The following GADL1 variants were observed in gnomAD, a reference collection of about 807,000 sequenced individuals.
GADL1 encodes the protein acidic amino acid decarboxylase GADL1.
Under a neutral mutation model 69.5 loss-of-function variants are expected in GADL1, and 71 were observed. The observed-to-expected ratio is 1.02, with a 90% CI of 0.84 to 1.25. The LOEUF (loss-of-function observed/expected upper bound fraction) is 1.25, where lower values mean the gene tolerates loss of function less well. Among genes scored for constraint, GADL1 ranks in the 50% most tolerant of loss-of-function variants. The pLI is 0.00. For missense variants in GADL1, 737 were observed against 631.8 expected (o/e 1.17, Z -1.79); for synonymous variants, 254 against 214.4 (o/e 1.18, Z -1.62).
intron 1 of GADL1, among the ~76,000 whole-genome samples, chr3:30,886,128 A>T (rs891865636): frequency 6.6e-6 from 1 of 152,168 alleles, no homozygotes; most frequent in East Asian, 1.9e-4. Context: ...TAATATTTGA[A>T]CTAATTGGTA....
Position 30,805,292 on chromosome 3 carries a change from A to G in GADL1, c.1051-4204T>C, listed in dbSNP as rs142353628. 4.3e-3 allele frequency among the ~76,000 whole-genome samples: 649 copies of G among 152,328 alleles called. 8 individuals are homozygous for G. Among genetic ancestry groups the G allele is most frequent in the African/African-American group, 0.015 (615 of 41,566 alleles). On this transcript the variant is annotated intron_variant, in intron 11 of 14. Transcript: ENST00000282538. ...TTTCAAACCAAAAATGCTTAGATTC[A>G]GGGCCTGAACGCTAACCTATTATAC... is the stretch of plus-strand genomic sequence containing the variant.
At chr3:30,785,618 C>T (rs1197296942) in intron 13 of GADL1, among the ~76,000 whole-genome samples, 5 of 152,234 alleles carry the variant, frequency 3.3e-5, no homozygotes, top group South Asian at 4.2e-4. Context: ...CCTTGTGATG[C>T]CTGCCTTGGC....
intron 2 of GADL1, among the ~76,000 whole-genome samples, chr3:30,858,452 C>T (rs890251430): frequency 6.6e-5 from 10 of 151,958 alleles, no homozygotes; most frequent in Non-Finnish European, 1.0e-4. Context: ...AGGTGATGAT[C>T]TGGATGACAG....
At chr3:30,761,665 T>C (rs749760490) in intron 14 of GADL1, among the ~76,000 whole-genome samples, 1 of 151,918 alleles carries the variant, frequency 6.6e-6, no homozygotes, top group Non-Finnish European at 1.5e-5. Flanking sequence ...TAGTAACTTT[T>C]TAAAAAAGGA....
intron 6 of GADL1, among the ~76,000 whole-genome samples, chr3:30,845,313 C>T (rs1218216886): frequency 6.6e-6 from 1 of 152,110 alleles, no homozygotes; most frequent in Non-Finnish European, 1.5e-5. Context: ...AGCATGCAAA[C>T]ATTGGATATG....
chr3:30,850,946 A>G lies in GADL1; in HGVS notation c.429-5T>C. ...GGGGACACCTCATACGTATAACTAG[A>G]TAGATATAAAAAACACTTCACTTCT... On this transcript the variant is annotated splice_region_variant and splice_polypyrimidine_tract_variant and intron_variant, in intron 4 of 14. Coordinates refer to ENST00000282538, the MANE Select transcript of GADL1 (RefSeq NM_207359.3). 6.8e-7 allele frequency: 1 copy of G among 1,473,176 alleles called. No individual in the cohort carries two copies. Among genetic ancestry groups the G allele is most frequent in the Non-Finnish European group, 9.3e-7 (1 of 1,076,918 alleles). 91.3% of individuals were successfully genotyped at this position (1,473,176 alleles called of 1,614,324 possible).
chr3:30,846,440 C>T (rs1698059303), intron 6 of GADL1, among the ~76,000 whole-genome samples: 1 of 152,142 alleles, frequency 6.6e-6, no homozygotes, highest in South Asian at 2.1e-4. Flanking sequence ...TTTCTATGAC[C>T]TTGAGCTTCT....
intron 11 of GADL1, among the ~76,000 whole-genome samples, chr3:30,809,302 AATC>A (rs1290221664): frequency 1.3e-5 from 2 of 152,306 alleles, no homozygotes; most frequent in African/African-American, 4.8e-5. Flanking sequence ...AAATATTTAA[AATC>A]ATCCGGTTTG....
chr3:30,752,853 GTTC>G (rs67316003), intron 14 of GADL1, among the ~76,000 whole-genome samples: 33,507 of 151,776 alleles, frequency 0.22, 4,330 homozygotes, highest in Non-Finnish European at 0.29. Context: ...AGATAATTAA[GTTC>G]TCAAATAACT....
At position 30,786,336 on chromosome 3, in the gene GADL1, C is replaced by T; in HGVS notation, c.1302+19G>A. ...CTGTTAACTGACAAAATCACAAGCA[C>T]AATTATGCAATCACTTACTTCCATC... On this transcript the variant is annotated intron_variant, in intron 13 of 14. Transcript: ENST00000282538. The T allele has an allele frequency of 6.7e-7, 1 of 1,502,078 alleles. No homozygotes were observed. The highest frequency in any genetic ancestry group is 9.3e-7 in the Non-Finnish European group (1 of 1,079,510). 93.0% of individuals were successfully genotyped at this position (1,502,078 alleles called of 1,614,324 possible). A position where few individuals can be genotyped will look rare whatever the true frequency, so the allele number is the denominator to read the frequency against.
At chr3:30,823,972 A>T (rs1301897481) in intron 11 of GADL1, among the ~76,000 whole-genome samples, 2 of 151,848 alleles carry the variant, frequency 1.3e-5, no homozygotes, top group African/African-American at 2.4e-5. Context: ...TACAAAATAG[A>T]GAGTAAGAAG....
In GADL1 at chr3:30,808,481, G is replaced by C. The variant is rs1697295517; in HGVS notation, c.1051-7393C>G. ...TTACTGCACGCTGGCCTGGGCGACA[G>C]AGCAGGACTCTATCTCAAAAAAAAA... On this transcript the variant is annotated intron_variant, in intron 11 of 14. Coordinates refer to ENST00000282538, the MANE Select transcript of GADL1 (RefSeq NM_207359.3). 2.8e-5 allele frequency among the ~76,000 whole-genome samples: 4 copies of C among 140,836 alleles called. No homozygotes were observed. In the South Asian group the frequency reaches 9.1e-4, roughly 32 times the overall value. 92.4% of individuals were successfully genotyped at this position (140,836 alleles called of 152,430 possible).
At chr3:30,802,655 G>T (rs1158476) in intron 11 of GADL1, among the ~76,000 whole-genome samples, 55,918 of 152,046 alleles carry the variant, frequency 0.37, 10,710 homozygotes, top group East Asian at 0.53. Context: ...CTGACTTAAT[G>T]TAAGCAACAT....
At chr3:30,875,970 C>T (rs1698571694) in intron 1 of GADL1, among the ~76,000 whole-genome samples, 1 of 152,022 alleles carries the variant, frequency 6.6e-6, no homozygotes, top group African/African-American at 2.4e-5. Flanking sequence ...CAAGCTCCAA[C>T]TTGGCCATTC....
At chr3:30,737,387 G>T (rs1438635080) in intron 14 of GADL1, among the ~76,000 whole-genome samples, 2 of 152,102 alleles carry the variant, frequency 1.3e-5, no homozygotes, top group African/African-American at 4.8e-5. Context: ...CAAAGAAGTT[G>T]TTAGCCAACT....
intron 11 of GADL1, among the ~76,000 whole-genome samples, chr3:30,825,422 T>A (rs1697665661): frequency 6.6e-6 from 1 of 151,956 alleles, no homozygotes; most frequent in Non-Finnish European, 1.5e-5. Flanking sequence ...ATTAACACTT[T>A]GAATCACTAT....
At chr3:30,887,234 A>G (rs577930800) in intron 1 of GADL1, among the ~76,000 whole-genome samples, 14 of 152,280 alleles carry the variant, frequency 9.2e-5, no homozygotes, top group Non-Finnish European at 1.9e-4. Flanking sequence ...CTGGAGTTAA[A>G]AAGAAGGTGC....
intron 1 of GADL1, among the ~76,000 whole-genome samples, chr3:30,881,627 C>T (rs554205500): frequency 6.6e-6 from 1 of 152,000 alleles, no homozygotes; most frequent in Admixed American, 6.6e-5. Context: ...AAGGGACAAA[C>T]AACTGGACAC....
intron 14 of GADL1, among the ~76,000 whole-genome samples, chr3:30,765,530 A>G (rs1251190062): frequency 6.6e-6 from 1 of 152,230 alleles, no homozygotes; most frequent in Non-Finnish European, 1.5e-5. Flanking sequence ...CAACCCCATT[A>G]TTAAACATTC....
Sources: gnomAD v4.1 joint callset for allele counts (sites outside exome capture counted in the v4.1 genomes callset) on GRCh38, gnomAD v4.1.1 for gene constraint, MANE v1.5 for transcripts, NCBI Gene and HGNC (gene_info 2026-07-23, HGNC 2026-07-21) for gene names.